LHPP: variants seen among roughly 807,000 people sequenced by gnomAD.
LHPP encodes hLHPP.
LHPP carries 24 observed loss-of-function variants against 30.3 expected under a neutral mutation model. The ratio of observed to expected loss-of-function variants is 0.79; its 90% confidence interval spans 0.57 to 1.11. The LOEUF (loss-of-function observed/expected upper bound fraction) is 1.11, where lower values mean the gene tolerates loss of function less well. LHPP is among the 50% of genes most tolerant of loss of function. LHPP has a pLI of 0.00. For missense variants in LHPP, 356 were observed against 367.2 expected, an observed-to-expected ratio of 0.97 and a Z score of 0.25; for synonymous variants, 150 against 157.1, an observed-to-expected ratio of 0.95 and a Z score of 0.34.
intron 5 of LHPP, among the ~76,000 whole-genome samples, chr10:124,503,057 CTT>C (rs1953957577): frequency 6.6e-6 from 1 of 151,604 alleles, no homozygotes; most frequent in Non-Finnish European, 1.5e-5. Context: ...TTTGGCATCT[CTT>C]GATAATTCTT....
chr10:124,613,587 A>C lies in LHPP; in HGVS notation c.*227A>C. The C allele has an allele frequency of 1.7e-6, 1 of 575,884 alleles. No individual in the cohort carries two copies. Among genetic ancestry groups the C allele is most frequent in the East Asian group, 2.9e-5 (1 of 34,242 alleles). 35.7% of individuals were successfully genotyped at this position (575,884 alleles called of 1,614,324 possible). A position where few individuals can be genotyped will look rare whatever the true frequency, so the allele number is the denominator to read the frequency against. ...CTGCATGGGCAGGCATTTGTTCCCT[A>C]CCTGGGTGGCCTGCTCCCCTGCCTG... On this transcript the variant is annotated 3_prime_UTR_variant, in exon 7 of 7. Coordinates refer to ENST00000368842, the MANE Select transcript of LHPP (RefSeq NM_022126.4).
chr10:124,565,757 G>A (rs1003867470), intron 6 of LHPP, among the ~76,000 whole-genome samples: 6 of 152,250 alleles, frequency 3.9e-5, no homozygotes, highest in African/African-American at 1.4e-4. Context: ...CTGGGGACCT[G>A]GAGACCGCTT....
intron 6 of LHPP, among the ~76,000 whole-genome samples, chr10:124,554,509 T>A (rs1948253941): frequency 2.0e-5 from 3 of 152,280 alleles, no homozygotes. Context: ...ACTCAGTTTC[T>A]ATAATGGGAT....
chr10:124,514,278 C>T (rs902017709), intron 5 of LHPP, among the ~76,000 whole-genome samples: 6 of 152,178 alleles, frequency 3.9e-5, no homozygotes, highest in Non-Finnish European at 2.9e-5. Flanking sequence ...AAGGTCAGCA[C>T]GTGCCCACAA....
intron 6 of LHPP, among the ~76,000 whole-genome samples, chr10:124,522,728 C>CCT (rs957431259): frequency 1.8e-4 from 26 of 148,430 alleles, no homozygotes; most frequent in Non-Finnish European, 3.0e-4. Flanking sequence ...CCCACGCCCC[C>CCT]CCCCAAGCAC....
In LHPP at chr10:124,498,929, T is replaced by C. The variant is rs185421199; in HGVS notation, c.624+801T>C. Among the ~76,000 whole-genome samples the C allele has an allele frequency of 3.4e-3, 507 of 150,020 alleles. 2 individuals carry two copies. Among genetic ancestry groups the C allele is most frequent in the African/African-American group, 0.012 (482 of 40,778 alleles). On this transcript the variant is annotated intron_variant, in intron 5 of 6. Transcript: ENST00000368842. ...CAGAGTCTCACTCTGTCACCCAGGC[T>C]GGAGTGCAGTGGCGCTGTCTCGGCT...
At chr10:124,528,077 G>C (rs10901749) in intron 6 of LHPP, among the ~76,000 whole-genome samples, 79,150 of 151,798 alleles carry the variant, frequency 0.52, 21,266 homozygotes, top group South Asian at 0.68. Flanking sequence ...GCCTTGCTTG[G>C]CTCTGGGTTT....
chr10:124,469,785 G>A (rs531613928), intron 1 of LHPP, among the ~76,000 whole-genome samples: 1 of 152,284 alleles, frequency 6.6e-6, no homozygotes, highest in South Asian at 2.1e-4. Context: ...AGTCATGGGG[G>A]ACCAGCAGGC....
chr10:124,587,467 G>A (rs921775290), intron 6 of LHPP, among the ~76,000 whole-genome samples: 2 of 151,380 alleles, frequency 1.3e-5, no homozygotes, highest in African/African-American at 4.9e-5. Flanking sequence ...TGAGGCAGGC[G>A]CAGTGGCTCA....
At chr10:124,574,235 G>A (rs1948627762) in intron 6 of LHPP, among the ~76,000 whole-genome samples, 3 of 152,234 alleles carry the variant, frequency 2.0e-5, no homozygotes, top group South Asian at 2.1e-4. Flanking sequence ...GGATCTCAGC[G>A]CGCAGCCACA....
At position 124,576,958 on chromosome 10, in the gene LHPP, C is replaced by G. The variant is rs1948671474; in HGVS notation, c.717-36306C>G. ...GTGCACAGGTACATTGCTCCGCCCT[C>G]TCAACAGCCACGACCCAGAAATAAA... is the stretch of plus-strand genomic sequence containing the variant. On this transcript the variant is annotated intron_variant, in intron 6 of 6. Coordinates refer to ENST00000368842, the MANE Select transcript of LHPP (RefSeq NM_022126.4). The surrounding 1 kb of genome is among the most constrained non-coding windows in gnomAD (Gnocchi z 4.2). Among the ~76,000 whole-genome samples, 1 of 152,208 alleles carries G rather than the reference C, an allele frequency of 6.6e-6. No homozygotes were observed. The highest frequency in any genetic ancestry group is 1.5e-5 in the Non-Finnish European group (1 of 68,042).
Position 124,478,119 on chromosome 10 carries a change from G to A in LHPP, c.126-6020G>A, listed in dbSNP as rs542364057. Among the ~76,000 whole-genome samples, 1 of 152,288 alleles carries A rather than the reference G, an allele frequency of 6.6e-6. No individual in the cohort carries two copies. The highest frequency in any genetic ancestry group is 1.5e-5 in the Non-Finnish European group (1 of 68,020). On this transcript the variant is annotated intron_variant, in intron 1 of 6. Coordinates refer to ENST00000368842, the MANE Select transcript of LHPP (RefSeq NM_022126.4). This position sits in a 1 kb window ranked among gnomAD's most constrained non-coding sequence, Gnocchi z 4.7. ...ACAAAACCCTGCCCTCCCAAGCCCC[G>A]GGCTTGCAGAGGAGGCAGGAGGAGG...
At position 124,579,067 on chromosome 10, in the gene LHPP, G is replaced by A. The variant is rs572209939; in HGVS notation, c.717-34197G>A. Among the ~76,000 whole-genome samples, 12 of 152,370 alleles carry A rather than the reference G, an allele frequency of 7.9e-5. No homozygotes were observed. In the South Asian group the frequency reaches 2.3e-3, roughly 29 times the overall value. On this transcript the variant is annotated intron_variant, in intron 6 of 6. Coordinates refer to ENST00000368842, the MANE Select transcript of LHPP (RefSeq NM_022126.4). ...GTCACTGGGTCTCCCCGTCGAAGTGGCTCTAAGGCAGGTCTTCCCGGTTAC... is the reference window on the plus strand; with the variant it reads ...GTCACTGGGTCTCCCCGTCGAAGTGACTCTAAGGCAGGTCTTCCCGGTTAC...
chr10:124,530,319 C>T (rs950755943), intron 6 of LHPP, among the ~76,000 whole-genome samples: 1 of 152,168 alleles, frequency 6.6e-6, no homozygotes, highest in Non-Finnish European at 1.5e-5. Context: ...GGGCGCCTTG[C>T]TGCCAGGGAT....
chr10:124,555,101 G>A (rs574080647), intron 6 of LHPP, among the ~76,000 whole-genome samples: 67 of 152,276 alleles, frequency 4.4e-4, no homozygotes, highest in African/African-American at 1.6e-3. Context: ...AGGATTTGAA[G>A]CCAGCCATTC....
intron 6 of LHPP, among the ~76,000 whole-genome samples, chr10:124,573,651 T>C (rs943220461): frequency 1.3e-5 from 2 of 152,198 alleles, no homozygotes; most frequent in African/African-American, 4.8e-5. Context: ...TCTGTATACT[T>C]GTGTGACTAT....
intron 6 of LHPP, among the ~76,000 whole-genome samples, chr10:124,521,759 G>C (rs1211486846): frequency 6.6e-6 from 1 of 152,232 alleles, no homozygotes; most frequent in Non-Finnish European, 1.5e-5. Context: ...CACCAGGAAG[G>C]GGGAGAAGCC....
intron 6 of LHPP, among the ~76,000 whole-genome samples, chr10:124,554,304 G>A (rs183569564): frequency 1.2e-3 from 186 of 152,174 alleles, no homozygotes; most frequent in African/African-American, 3.2e-3. Flanking sequence ...TCCCACCTCC[G>A]CCTCCTGGGT....
intron 6 of LHPP, among the ~76,000 whole-genome samples, chr10:124,544,521 A>G (rs1425176856): frequency 6.9e-6 from 1 of 144,716 alleles, no homozygotes; most frequent in Non-Finnish European, 1.5e-5. Context: ...AGGCGTGCTC[A>G]AGCTGACACA....
Sources: allele counts gnomAD v4.1 joint callset (sites outside exome capture counted in the v4.1 genomes callset), GRCh38; gene constraint gnomAD v4.1.1; non-coding constraint Gnocchi (gnomAD v3.1); transcripts MANE v1.5; gene names NCBI Gene and HGNC (gene_info 2026-07-23, HGNC 2026-07-21).